ROR2: variants seen among roughly 807,000 people sequenced by gnomAD.
ROR2 encodes the protein ROR family WNT receptor 2.
In ROR2, 33 loss-of-function variants were observed where a neutral mutation model predicts 74.9. The observed-to-expected ratio is 0.44, with a 90% CI of 0.33 to 0.59. ROR2 has a LOEUF of 0.59. Ranked by LOEUF, ROR2 falls within the 20% of genes least tolerant of loss-of-function variation. The pLI is 0.02. For synonymous variants in ROR2, 586 were observed against 558.7 expected, an observed-to-expected ratio of 1.05 and a Z score of -0.69; for missense variants, 1,216 against 1,313.8, an observed-to-expected ratio of 0.93 and a Z score of 1.15.
intron 2 of ROR2, among the ~76,000 whole-genome samples, chr9:91,769,743 C>G (rs540201272): frequency 1.3e-5 from 2 of 152,188 alleles, no homozygotes; most frequent in Non-Finnish European, 2.9e-5. Flanking sequence ...GCACCGCTCA[C>G]TCCCGTCCCG....
chr9:91,771,678 C>G (rs537904364), intron 2 of ROR2, among the ~76,000 whole-genome samples: 21 of 152,076 alleles, frequency 1.4e-4, no homozygotes, highest in African/African-American at 4.8e-4. Flanking sequence ...GCTTTTTGCT[C>G]TGAGAATCTC....
chr9:91,941,543 G>A (rs775276134), intron 1 of ROR2, among the ~76,000 whole-genome samples: 1 of 152,160 alleles, frequency 6.6e-6, no homozygotes, highest in Non-Finnish European at 1.5e-5. Flanking sequence ...ACAAACTCAG[G>A]AAAGACAAGT....
At chr9:91,851,924 C>T (rs62564599) in intron 1 of ROR2, among the ~76,000 whole-genome samples, 38,037 of 150,288 alleles carry the variant, frequency 0.25, 5,207 homozygotes, top group Admixed American at 0.42. Flanking sequence ...TGCAGTGAGC[C>T]GAGATGGCAC....
At chr9:91,840,548 G>A (rs1175007490) in intron 1 of ROR2, among the ~76,000 whole-genome samples, 1 of 152,206 alleles carries the variant, frequency 6.6e-6, no homozygotes, top group East Asian at 1.9e-4. Flanking sequence ...GGGGCCACAT[G>A]CAGCGAGGCT....
At chr9:91,944,919 G>C (rs1056542525) in intron 1 of ROR2, among the ~76,000 whole-genome samples, 1 of 152,008 alleles carries the variant, frequency 6.6e-6, no homozygotes, top group Non-Finnish European at 1.5e-5. Flanking sequence ...AGCCAGGCAC[G>C]GTAGCGCGTG....
chr9:91,832,564 T>C (rs568667496), intron 1 of ROR2, among the ~76,000 whole-genome samples: 1 of 152,006 alleles, frequency 6.6e-6, no homozygotes, highest in South Asian at 2.1e-4. Flanking sequence ...CCTGGCTCAG[T>C]GAGTAGAAGG....
Position 91,784,157 on chromosome 9 carries a change from C to A in ROR2, c.98-8339G>T, listed in dbSNP as rs1281913004. ...TACACACCTGTGCCCTGCGGAGCTG[C>A]CCAGCTGCAACAGTGCTGATTCCAC... is the stretch of plus-strand genomic sequence containing the variant. On this transcript the variant is annotated intron_variant, in intron 1 of 8. Coordinates refer to ENST00000375708, the MANE Select transcript of ROR2 (RefSeq NM_004560.4). 2.0e-5 allele frequency among the ~76,000 whole-genome samples: 3 copies of A among 152,292 alleles called. No homozygotes were observed. In the East Asian group the frequency reaches 5.8e-4, roughly 29 times the overall value.
intron 4 of ROR2, among the ~76,000 whole-genome samples, chr9:91,748,336 G>A (rs1286934787): frequency 6.6e-6 from 1 of 151,898 alleles, no homozygotes; most frequent in African/African-American, 2.4e-5. Context: ...AGAAAATGAT[G>A]AGTTGTCAAG....
In ROR2 at chr9:91,726,681, G is replaced by A. The variant is rs758313243; in HGVS notation, c.1246C>T (p.Leu416=). The A allele has an allele frequency of 1.5e-5, 24 of 1,613,950 alleles. No homozygotes were observed. Among genetic ancestry groups the A allele is most frequent in the Non-Finnish European group, 1.9e-5 (23 of 1,180,040 alleles). ...AAGAAGAAAAGGCAAGCGATGACCA[G>A]TGGAATTGCGATGCTGGGGACCAAG... The part of the protein sequence containing the change: ...YILVPSIAIP[L]VIACLFFLVC... Residue 416 remains leucine, a synonymous_variant, in exon 8 of 9, where the codon CTG becomes TTG. Coordinates refer to ENST00000375708, the MANE Select transcript of ROR2 (RefSeq NM_004560.4).
intron 1 of ROR2, among the ~76,000 whole-genome samples, chr9:91,794,478 C>A (rs879516831): frequency 6.6e-6 from 1 of 151,832 alleles, no homozygotes; most frequent in Non-Finnish European, 1.5e-5. Flanking sequence ...TGACCTGTTA[C>A]AGTCACCAGA....
chr9:91,889,836 T>C (rs1410968569), intron 1 of ROR2, among the ~76,000 whole-genome samples: 1 of 152,170 alleles, frequency 6.6e-6, no homozygotes, highest in East Asian at 1.9e-4. Flanking sequence ...ATGATATTGT[T>C]TTATGGCTGA....
In ROR2 at chr9:91,775,829, G is replaced by T; in HGVS notation, c.98-11C>A. On this transcript the variant is annotated splice_polypyrimidine_tract_variant and intron_variant, in intron 1 of 8. Transcript: ENST00000375708. The stretch of plus-strand genomic sequence containing the variant: ...GAACCTCCACTTCACCTGGGAAAAA[G>T]AAACCAGGATAGGTATTAAACAAGT... 1 of 1,613,398 alleles carries T rather than the reference G, an allele frequency of 6.2e-7. No homozygotes were observed. Among genetic ancestry groups the T allele is most frequent in the Non-Finnish European group, 8.5e-7 (1 of 1,179,388 alleles).
intron 2 of ROR2, among the ~76,000 whole-genome samples, chr9:91,761,298 T>C (rs1825907743): frequency 6.6e-6 from 1 of 152,168 alleles, no homozygotes; most frequent in African/African-American, 2.4e-5. Context: ...GGGCCTTGGT[T>C]TGGGGATAAT....
chr9:91,745,244 G>A (rs1031121890), intron 4 of ROR2, among the ~76,000 whole-genome samples: 2 of 150,322 alleles, frequency 1.3e-5, no homozygotes, highest in Non-Finnish European at 3.0e-5. Context: ...TCCTGCCTCA[G>A]TCTCCCAAGT....
chr9:91,756,287 T>C (rs924161211), intron 3 of ROR2, among the ~76,000 whole-genome samples, 186 bp from the exon 4 acceptor site: 2 of 152,070 alleles, frequency 1.3e-5, no homozygotes. Flanking sequence ...AGGGAAGGGG[T>C]GCTTTGTCAC....
chr9:91,929,797 G>C (rs1318998193), intron 1 of ROR2, among the ~76,000 whole-genome samples: 2 of 152,104 alleles, frequency 1.3e-5, no homozygotes, highest in African/African-American at 2.4e-5. Flanking sequence ...ACCCCAGGAA[G>C]AGGACGGCCA....
intron 1 of ROR2, among the ~76,000 whole-genome samples, chr9:91,840,006 C>T (rs1349462681): frequency 6.6e-6 from 1 of 152,174 alleles, no homozygotes; most frequent in Non-Finnish European, 1.5e-5. Context: ...CGCTGTATCA[C>T]CCCACACTGT....
Position 91,724,505 on chromosome 9 carries a change from G to A in ROR2, c.1989C>T (p.Ala663=), listed in dbSNP as rs2118617749. The A allele has an allele frequency of 6.2e-7, 1 of 1,614,210 alleles. No homozygotes were observed. The highest frequency in any genetic ancestry group is 8.5e-7 in the Non-Finnish European group (1 of 1,180,032). ...LLPIRWMAPE[A]IMYGKFSIDS... ...CGATGGAGAACTTGCCGTACATGAT[G>A]GCCTCTGGGGCCATCCAGCGGATAG... Residue 663 remains alanine (A), a synonymous_variant, in exon 9 of 9, where the codon GCC becomes GCT. Transcript: ENST00000375708.
intron 1 of ROR2, among the ~76,000 whole-genome samples, chr9:91,858,021 A>C (rs923242489): frequency 6.6e-6 from 1 of 152,184 alleles, no homozygotes; most frequent in African/African-American, 2.4e-5. Flanking sequence ...AGCAAATAAA[A>C]ACCAAGGCTG....
Sources: gnomAD v4.1 joint callset for allele counts (sites outside exome capture counted in the v4.1 genomes callset) on GRCh38, gnomAD v4.1.1 for gene constraint, MANE v1.5 for transcripts, NCBI Gene and HGNC (gene_info 2026-07-23, HGNC 2026-07-21) for gene names.